PDE1A: variants seen among roughly 807,000 people sequenced by gnomAD.
The protein encoded by PDE1A is phosphodiesterase 1A.
A neutral mutation model predicts 61.7 loss-of-function variants in PDE1A; 35 were observed. The observed-to-expected ratio is 0.57, with a 90% CI of 0.43 to 0.75. The LOEUF (loss-of-function observed/expected upper bound fraction) is 0.75. Ranked by LOEUF, PDE1A falls within the 30% of genes least tolerant of loss-of-function variation. PDE1A has a pLI of 0.00. For missense variants in PDE1A, 597 were observed against 630.6 expected (o/e 0.95, Z 0.57); for synonymous variants, 232 against 213.2 (o/e 1.09, Z -0.77).
At chr2:182,374,705 A>C (rs896182246) in intron 1 of PDE1A, among the ~76,000 whole-genome samples, 3 of 152,248 alleles carry the variant, frequency 2.0e-5, no homozygotes, top group Non-Finnish European at 2.9e-5. Flanking sequence ...GTGGTGAATA[A>C]GCACATAAAA....
At chr2:182,546,032 C>A in the PDE1A span, among the ~76,000 whole-genome samples, 1 of 152,202 alleles carries the variant, frequency 6.6e-6, no homozygotes, top group African/African-American at 2.4e-5. Flanking sequence ...CCATTGCTCC[C>A]TTCATCCCCT....
chr2:182,640,231 T>C, the PDE1A span, among the ~76,000 whole-genome samples: 13 of 152,304 alleles, frequency 8.5e-5, no homozygotes, highest in South Asian at 2.5e-3. Flanking sequence ...GAGGAAAATA[T>C]TAAAATACAA....
the PDE1A span, among the ~76,000 whole-genome samples, chr2:182,640,172 A>T: frequency 1.3e-5 from 2 of 152,240 alleles, no homozygotes; most frequent in Non-Finnish European, 2.9e-5. Context: ...TTCAAGTGTG[A>T]AGGTTGTGTA....
the PDE1A span, among the ~76,000 whole-genome samples, chr2:182,567,254 T>C: frequency 1.3e-5 from 2 of 152,144 alleles, no homozygotes; most frequent in Non-Finnish European, 2.9e-5. Flanking sequence ...TGCTTCCAAT[T>C]GGATGACTGT....
chr2:182,553,455 C>T, the PDE1A span, among the ~76,000 whole-genome samples: 2 of 152,320 alleles, frequency 1.3e-5, no homozygotes, highest in African/African-American at 2.4e-5. Flanking sequence ...GTCTCGAGCT[C>T]CTGACCTCAG....
intron 2 of PDE1A, among the ~76,000 whole-genome samples, chr2:182,439,481 C>G (rs1393464776): frequency 6.6e-6 from 1 of 151,926 alleles, no homozygotes; most frequent in African/African-American, 2.4e-5. Flanking sequence ...AATTGGGAGT[C>G]AGGAGGAGAA....
intron 3 of PDE1A, among the ~76,000 whole-genome samples, chr2:182,238,295 G>GA (rs1690228795): frequency 1.5e-5 from 2 of 136,238 alleles, no homozygotes; most frequent in Admixed American, 7.7e-5. Context: ...AAAAGAAAAA[G>GA]AAAAGAATGA....
intron 2 of PDE1A, among the ~76,000 whole-genome samples, chr2:182,478,311 T>C (rs1269777959): frequency 6.6e-6 from 1 of 151,706 alleles, no homozygotes; most frequent in Non-Finnish European, 1.5e-5. Context: ...TAGGTATTTC[T>C]GAGTCAAATA....
At chr2:182,670,830 G>A in the PDE1A span, among the ~76,000 whole-genome samples, 189 of 152,192 alleles carry the variant, frequency 1.2e-3, 1 homozygote, top group African/African-American at 3.0e-3. Context: ...GAGGGGAGGC[G>A]GGTGGTGGAT....
the PDE1A span, among the ~76,000 whole-genome samples, chr2:182,648,702 T>TAA: frequency 5.5e-4 from 68 of 122,906 alleles, no homozygotes; most frequent in African/African-American, 1.2e-3. Context: ...CCTGTCTCTT[T>TAA]AAAAAAAAAA....
chr2:182,518,563 A>T (rs534659945), intron 2 of PDE1A, among the ~76,000 whole-genome samples: 1 of 152,312 alleles, frequency 6.6e-6, no homozygotes, highest in South Asian at 2.1e-4. Flanking sequence ...ATAAGGAGGT[A>T]TGTGTCGAGA....
chr2:182,432,768 T>G (rs938763978), intron 2 of PDE1A, among the ~76,000 whole-genome samples: 3 of 152,050 alleles, frequency 2.0e-5, no homozygotes, highest in Non-Finnish European at 2.9e-5. Context: ...GACCTTGAGG[T>G]GGCAGGAAAG....
chr2:182,343,506 T>C (rs1235105402), intron 1 of PDE1A, among the ~76,000 whole-genome samples: 2 of 152,188 alleles, frequency 1.3e-5, no homozygotes, highest in Non-Finnish European at 2.9e-5. Context: ...TCTTCTAAGA[T>C]AAGAAAACAA....
intron 2 of PDE1A, among the ~76,000 whole-genome samples, chr2:182,244,133 C>T (rs1263213248): frequency 6.6e-6 from 1 of 152,126 alleles, no homozygotes; most frequent in East Asian, 1.9e-4. Flanking sequence ...TCCCAAAGTG[C>T]TGGGATTACA....
intron 2 of PDE1A, among the ~76,000 whole-genome samples, chr2:182,508,168 T>C (rs1386215331): frequency 6.6e-6 from 1 of 151,986 alleles, no homozygotes; most frequent in East Asian, 1.9e-4. Flanking sequence ...AAAAAAATCA[T>C]TCAACAAAAT....
chr2:182,426,858 C>A (rs1574631920), exon 1 of PDE1A: 1 of 1,333,686 alleles, frequency 7.5e-7, no homozygotes, highest in East Asian at 2.9e-5. Context: ...CCCCACAGAG[C>A]AGGGTGTGCA....
chr2:182,276,638 A>G (rs1332068842), intron 1 of PDE1A, among the ~76,000 whole-genome samples: 1 of 152,070 alleles, frequency 6.6e-6, no homozygotes, highest in African/African-American at 2.4e-5. Context: ...AATAACAGCA[A>G]TTTTAGGGAA....
At chr2:182,156,780 C>A (rs1237861640) in intron 13 of PDE1A, among the ~76,000 whole-genome samples, 1 of 151,996 alleles carries the variant, frequency 6.6e-6, no homozygotes, top group Admixed American at 6.6e-5. Flanking sequence ...AAGTCCTATA[C>A]CCGTGGGGAT....
intron 2 of PDE1A, among the ~76,000 whole-genome samples, chr2:182,241,047 G>A (rs981313263): frequency 1.3e-5 from 2 of 152,134 alleles, no homozygotes; most frequent in African/African-American, 2.4e-5. Context: ...CAATGACCAC[G>A]CTCTGTATAA....
Sources: allele counts gnomAD v4.1 joint callset (sites outside exome capture counted in the v4.1 genomes callset), GRCh38; gene constraint gnomAD v4.1.1; transcripts MANE v1.5; gene names NCBI Gene and HGNC (gene_info 2026-07-23, HGNC 2026-07-21).